KCND2: variants seen among roughly 807,000 people sequenced by gnomAD.
KCND2 encodes potassium voltage-gated channel subfamily D member 2.
Under a neutral mutation model 54.4 loss-of-function variants are expected in KCND2, and 16 were observed. The ratio of observed to expected loss-of-function variants is 0.29; its 90% CI spans 0.20 to 0.45. KCND2 has a LOEUF of 0.45. Among genes scored for constraint, KCND2 ranks in the 20% least tolerant of loss-of-function variants. KCND2 has a pLI of 1.00. For missense variants in KCND2, 486 were observed against 824.2 expected, an observed-to-expected ratio of 0.59 and a Z score of 5.02; for synonymous variants, 317 against 310.7, an observed-to-expected ratio of 1.02 and a Z score of -0.21.
At chr7:120,507,430 A>T (rs2116325854) in intron 1 of KCND2, among the ~76,000 whole-genome samples, 1 of 151,984 alleles carries the variant, frequency 6.6e-6, no homozygotes, top group Non-Finnish European at 1.5e-5. Context: ...GGTAAAGACT[A>T]CCTCTTTCAG....
chr7:120,309,472 TATACACACACACACAC>T (rs1234362083), intron 1 of KCND2, among the ~76,000 whole-genome samples: 1 of 122,594 alleles, frequency 8.2e-6, no homozygotes, highest in African/African-American at 3.0e-5. Context: ...TATATATATA[TATACACACACACACAC>T]ACACACACAC....
intron 1 of KCND2, among the ~76,000 whole-genome samples, chr7:120,616,780 GT>G (rs1486193171): frequency 1.3e-5 from 2 of 152,122 alleles, no homozygotes; most frequent in African/African-American, 2.4e-5. Flanking sequence ...TTATAATGTA[GT>G]TTGCATTTAT....
chr7:120,488,801 G>A (rs1160593674), intron 1 of KCND2, among the ~76,000 whole-genome samples: 2 of 151,682 alleles, frequency 1.3e-5, no homozygotes, highest in African/African-American at 2.4e-5. Context: ...TTAAATGAAA[G>A]TAATATACAT....
intron 1 of KCND2, among the ~76,000 whole-genome samples, chr7:120,489,890 C>T (rs1802752752): frequency 6.6e-6 from 1 of 152,064 alleles, no homozygotes; most frequent in African/African-American, 2.4e-5. Flanking sequence ...GAGAAAATTT[C>T]TGAAAACATT....
intron 1 of KCND2, among the ~76,000 whole-genome samples, chr7:120,664,545 A>G (rs1485638953): frequency 1.3e-5 from 2 of 152,058 alleles, no homozygotes; most frequent in Non-Finnish European, 2.9e-5. Context: ...AAAAATACAT[A>G]TTTACCATCA....
chr7:120,693,851 T>C (rs534245064), intron 1 of KCND2, among the ~76,000 whole-genome samples: 1 of 152,286 alleles, frequency 6.6e-6, no homozygotes, highest in African/African-American at 2.4e-5. Flanking sequence ...AATAGCAACA[T>C]GGCAGAGAAA....
chr7:120,274,610 T>C lies in KCND2; in HGVS notation c.-23T>C. 6.2e-7 allele frequency: 1 copy of C among 1,614,166 alleles called. No homozygotes were observed. Among genetic ancestry groups the C allele is most frequent in the Non-Finnish European group, 8.5e-7 (1 of 1,180,028 alleles). On this transcript the variant is annotated 5_prime_UTR_variant, in exon 1 of 6. Coordinates refer to ENST00000331113, the MANE Select transcript of KCND2 (RefSeq NM_012281.3). Reference sequence around the variant, plus strand: ...CCCATTGTAGACGCCTCGTTACCCTTCTTCCTTCCGCTTCAAGTAATCATG... The same window carrying C: ...CCCATTGTAGACGCCTCGTTACCCTCCTTCCTTCCGCTTCAAGTAATCATG...
chr7:120,338,305 G>A (rs1800180196), intron 1 of KCND2, among the ~76,000 whole-genome samples: 1 of 151,982 alleles, frequency 6.6e-6, no homozygotes, highest in Non-Finnish European at 1.5e-5. Context: ...CTAGATAATA[G>A]AAAGTACAGT....
At chr7:120,737,357 A>T (rs1394853034) in intron 2 of KCND2, among the ~76,000 whole-genome samples, 1 of 152,002 alleles carries the variant, frequency 6.6e-6, no homozygotes, top group Non-Finnish European at 1.5e-5. Context: ...TTAAAAACAA[A>T]ATTACCCAGC....
chr7:120,525,187 A>G (rs1040109886), intron 1 of KCND2, among the ~76,000 whole-genome samples: 3 of 152,086 alleles, frequency 2.0e-5, no homozygotes, highest in African/African-American at 7.2e-5. Context: ...TTTGTTTGCT[A>G]TTGTGTTCAA....
intron 1 of KCND2, among the ~76,000 whole-genome samples, chr7:120,316,840 AT>A (rs1211451508): frequency 0.023 from 3,344 of 147,888 alleles, 126 homozygotes; most frequent in African/African-American, 0.076. Context: ...ATTGCAGATA[AT>A]TTTTTTTTTT....
chr7:120,727,864 G>A (rs1792753727), intron 1 of KCND2, among the ~76,000 whole-genome samples: 1 of 151,914 alleles, frequency 6.6e-6, no homozygotes, highest in Non-Finnish European at 1.5e-5. Flanking sequence ...GGCCGGGCAC[G>A]GTGGCTCACG....
At chr7:120,571,810 A>G (rs1005622206) in intron 1 of KCND2, among the ~76,000 whole-genome samples, 3 of 152,192 alleles carry the variant, frequency 2.0e-5, no homozygotes, top group Non-Finnish European at 2.9e-5. Context: ...TCAAAGTCAG[A>G]TATTTGTACT....
intron 1 of KCND2, among the ~76,000 whole-genome samples, chr7:120,447,372 A>G (rs1188797838): frequency 6.6e-6 from 1 of 151,890 alleles, no homozygotes. Flanking sequence ...AAAAGAAAAA[A>G]AAAAGAAAAA....
chr7:120,538,852 A>G (rs1791944042), intron 1 of KCND2, among the ~76,000 whole-genome samples: 1 of 152,120 alleles, frequency 6.6e-6, no homozygotes, highest in Non-Finnish European at 1.5e-5. Context: ...CACTGCTCCC[A>G]GGGGCTGTGG....
chr7:120,499,424 C>T (rs1296503367), intron 1 of KCND2, among the ~76,000 whole-genome samples: 2 of 152,044 alleles, frequency 1.3e-5, no homozygotes, highest in African/African-American at 2.4e-5. Flanking sequence ...TTTTCACCAT[C>T]AGTAACAACA....
intron 1 of KCND2, among the ~76,000 whole-genome samples, chr7:120,572,033 T>A (rs1792372127): frequency 6.6e-6 from 1 of 152,238 alleles, no homozygotes; most frequent in Admixed American, 6.5e-5. Flanking sequence ...AATTCCTTTA[T>A]TAGCATTGTG....
chr7:120,412,335 A>G (rs550550316), intron 1 of KCND2, among the ~76,000 whole-genome samples: 2 of 152,162 alleles, frequency 1.3e-5, no homozygotes, highest in South Asian at 4.1e-4. Flanking sequence ...TACTCTTAAG[A>G]GTCTCAGTTC....
chr7:120,544,433 A>G (rs1792019029), intron 1 of KCND2, among the ~76,000 whole-genome samples: 2 of 152,130 alleles, frequency 1.3e-5, no homozygotes, highest in East Asian at 1.9e-4. Flanking sequence ...AAGTACTATC[A>G]TCACTAAAAT....
Sources: allele counts gnomAD v4.1 joint callset (sites outside exome capture counted in the v4.1 genomes callset), GRCh38; gene constraint gnomAD v4.1.1; transcripts MANE v1.5; gene names NCBI Gene and HGNC (gene_info 2026-07-23, HGNC 2026-07-21).